The following UTRN variants were observed in gnomAD, a reference collection of about 807,000 sequenced individuals.
UTRN encodes dystrophin-related protein 1.
In UTRN, 283 loss-of-function variants were observed where a neutral mutation model predicts 463.9. That is an observed-to-expected ratio of 0.61 (90% CI 0.55 to 0.67). The LOEUF is 0.67. Among genes scored for constraint, UTRN ranks in the 30% least tolerant of loss-of-function variants. The pLI is 0.00. For missense variants in UTRN, 3,922 were observed against 4,084.3 expected, an observed-to-expected ratio of 0.96 and a Z score of 1.08; for synonymous variants, 1,442 against 1,431.5, an observed-to-expected ratio of 1.01 and a Z score of -0.17.
intron 73 of UTRN, among the ~76,000 whole-genome samples, chr6:144,841,878 G>A (rs1388891486): frequency 2.0e-5 from 3 of 152,138 alleles, no homozygotes; most frequent in South Asian, 2.1e-4. Context: ...TTGGGAGGGC[G>A]AGGCAGGTGG....
chr6:144,547,070 A>C (rs1295411345), intron 46 of UTRN, among the ~76,000 whole-genome samples: 1 of 152,354 alleles, frequency 6.6e-6, no homozygotes, highest in East Asian at 1.9e-4. Flanking sequence ...TAGTGTAGGC[A>C]TCTTAACCTA....
At chr6:144,378,896 T>A (rs997852155) in intron 2 of UTRN, among the ~76,000 whole-genome samples, 1 of 152,186 alleles carries the variant, frequency 6.6e-6, no homozygotes, top group African/African-American at 2.4e-5. Context: ...TCAAGCTGTA[T>A]TTAGGAATTA....
chr6:144,346,015 T>C (rs951763802), intron 2 of UTRN, among the ~76,000 whole-genome samples: 5 of 151,666 alleles, frequency 3.3e-5, no homozygotes, highest in African/African-American at 1.2e-4. Context: ...TTGTCTCTAC[T>C]AAAAATACAA....
intron 51 of UTRN, among the ~76,000 whole-genome samples, chr6:144,593,500 C>T (rs1803329943): frequency 6.6e-6 from 1 of 152,160 alleles, no homozygotes. Flanking sequence ...TGGCCTGCAA[C>T]CAATCAGAGG....
chr6:144,762,375 T>C (rs1026446992), intron 58 of UTRN, among the ~76,000 whole-genome samples: 13 of 152,168 alleles, frequency 8.5e-5, no homozygotes, highest in African/African-American at 2.9e-4. Flanking sequence ...AGGATAGTAG[T>C]GGAGAAAGTA....
At chr6:144,592,239 A>G (rs949752225) in intron 51 of UTRN, among the ~76,000 whole-genome samples, 2 of 152,210 alleles carry the variant, frequency 1.3e-5, no homozygotes, top group Non-Finnish European at 2.9e-5. Context: ...GTTGTTACCA[A>G]TGTTCTCATG....
intron 53 of UTRN, among the ~76,000 whole-genome samples, chr6:144,707,235 A>G (rs978926339): frequency 3.9e-5 from 6 of 152,154 alleles, no homozygotes; most frequent in African/African-American, 7.2e-5. Context: ...TTTTCACCCC[A>G]AGAACCAATT....
At chr6:144,441,298 C>T (rs986412343) in intron 13 of UTRN, among the ~76,000 whole-genome samples, 10 of 152,192 alleles carry the variant, frequency 6.6e-5, no homozygotes, top group African/African-American at 2.4e-4. Context: ...TAGTTACTTC[C>T]TAGCTACAAT....
At chr6:144,813,069 G>A (rs1460113457) in intron 65 of UTRN, among the ~76,000 whole-genome samples, 1 of 152,172 alleles carries the variant, frequency 6.6e-6, no homozygotes, top group Non-Finnish European at 1.5e-5. Context: ...ATTTGTACAT[G>A]TGAATTTTTA....
At chr6:144,732,236 A>ATG (rs1562832310) in intron 54 of UTRN, among the ~76,000 whole-genome samples, 2 of 30,220 alleles carry the variant, frequency 6.6e-5, no homozygotes, top group African/African-American at 2.4e-4. Flanking sequence ...ATATATATAT[A>ATG]TACATATATA....
chr6:144,488,766 C>A lies in UTRN; in HGVS notation c.4066C>A (p.Leu1356Met). 6.2e-7 allele frequency: 1 copy of A among 1,612,844 alleles called. No individual in the cohort carries two copies. The highest frequency in any genetic ancestry group is 8.5e-7 in the Non-Finnish European group (1 of 1,179,248). Residue 1356 changes from leucine to methionine, a missense_variant, in exon 30 of 75, where the codon CTG becomes ATG. Leu to Met is a conservative substitution (Grantham distance 15). Transcript: ENST00000367545. ...LQVLQESLGE[L>M]DKQLTTYLTD... ...AGTCTTGCAAGAGAGCTTGGGGGAG[C>A]TGGACAAACAGCTCACCACATACCT...
intron 51 of UTRN, among the ~76,000 whole-genome samples, chr6:144,647,667 A>C (rs1277893365): frequency 1.3e-5 from 2 of 152,372 alleles, no homozygotes; most frequent in East Asian, 3.9e-4. Context: ...GCAAATGTGC[A>C]GTAAATGCGG....
intron 53 of UTRN, among the ~76,000 whole-genome samples, chr6:144,713,876 C>T (rs1388078714): frequency 2.0e-5 from 3 of 149,052 alleles, no homozygotes; most frequent in African/African-American, 5.0e-5. Context: ...GCCGAGATCG[C>T]GCCATTGCAC....
At chr6:144,398,995 A>G (rs934035665) in intron 2 of UTRN, among the ~76,000 whole-genome samples, 1 of 152,244 alleles carries the variant, frequency 6.6e-6, no homozygotes, top group African/African-American at 2.4e-5. Context: ...AATGTTAATT[A>G]TCTAAACTTC....
chr6:144,814,301 C>T (rs886609398), intron 65 of UTRN, among the ~76,000 whole-genome samples: 1 of 152,194 alleles, frequency 6.6e-6, no homozygotes, highest in Admixed American at 6.5e-5. Flanking sequence ...AGCAGACTCA[C>T]TGGACCACAG....
rs200838657 is a variant in UTRN at position 144,755,046 on chromosome 6, C to CTGTTA, written c.8434+250_8434+251insTTATG. 3.3e-3 allele frequency among the ~76,000 whole-genome samples: 502 copies of CTGTTA among 152,152 alleles called. 16 individuals are homozygous for CTGTTA. The East Asian group carries it at 0.078, about 24-fold the overall frequency. ...TAGCTATGGTTTCTCATTGGAATGT[C>CTGTTA]TGATAACTAACATAGTATCATATCA... On this transcript the variant is annotated intron_variant, in intron 57 of 74. Transcript: ENST00000367545.
intron 60 of UTRN, among the ~76,000 whole-genome samples, chr6:144,776,099 T>C (rs1775298798): frequency 6.6e-6 from 1 of 152,206 alleles, no homozygotes; most frequent in South Asian, 2.1e-4. Flanking sequence ...GGGCCACTCC[T>C]GGAGCTCATC....
intron 50 of UTRN, among the ~76,000 whole-genome samples, chr6:144,562,890 G>A (rs1445502820): frequency 1.3e-5 from 2 of 152,064 alleles, no homozygotes; most frequent in African/African-American, 4.8e-5. Context: ...TTTAATAATT[G>A]CCATTCTGAC....
intron 41 of UTRN, among the ~76,000 whole-genome samples, chr6:144,524,594 G>T (rs1028829436): frequency 3.9e-5 from 6 of 152,096 alleles, no homozygotes; most frequent in African/African-American, 1.4e-4. Flanking sequence ...TTTTGGATGA[G>T]TCTTTAGGGT....
Sources: allele counts gnomAD v4.1 joint callset (sites outside exome capture counted in the v4.1 genomes callset), GRCh38; gene constraint gnomAD v4.1.1; transcripts MANE v1.5; gene names NCBI Gene and HGNC (gene_info 2026-07-23, HGNC 2026-07-21).